Variants in FRA10AC1 observed in about 807,000 individuals in gnomAD.
FRA10AC1 encodes the protein protein FRA10AC1.
A neutral mutation model predicts 56.5 loss-of-function variants in FRA10AC1; 43 were observed. The ratio of observed to expected loss-of-function variants is 0.76; its 90% CI spans 0.60 to 0.98. FRA10AC1 has a LOEUF of 0.98. Among genes scored for constraint, FRA10AC1 ranks in the 50% least tolerant of loss-of-function variants. The pLI is 0.00. For missense variants in FRA10AC1, 346 were observed against 351.8 expected (o/e 0.98, Z 0.13); for synonymous variants, 112 against 110.5 (o/e 1.01, Z -0.09).
intron 11 of FRA10AC1, among the ~76,000 whole-genome samples, chr10:93,677,635 A>C (rs984131206): frequency 1.3e-5 from 2 of 152,188 alleles, no homozygotes; most frequent in East Asian, 1.9e-4. Context: ...CTACCTGAAA[A>C]TGTAAAGCTT....
chr10:93,680,399 T>A (rs1241103705), intron 11 of FRA10AC1, among the ~76,000 whole-genome samples: 1 of 152,092 alleles, frequency 6.6e-6, no homozygotes, highest in Non-Finnish European at 1.5e-5. Context: ...AGCAATAAAA[T>A]AACAATATCT....
At chr10:93,683,626 C>A (rs1246992810) in intron 10 of FRA10AC1, among the ~76,000 whole-genome samples, 1 of 152,192 alleles carries the variant, frequency 6.6e-6, no homozygotes, top group East Asian at 1.9e-4. Context: ...GCTAGGATTA[C>A]AGGCATGAGC....
chr10:93,694,713 TAAAAAAAAAAAAAAAAAA>T lies in FRA10AC1; in HGVS notation c.296+130_296+147del, dbSNP rs10554752. ...TGGGCGACAGAGTGAGACTCCATCT[TAAAAAAAAAAAAAAAAAA>T]AAAAAAAAAAAAAGGCACACCGGAA... On this transcript the variant is annotated intron_variant, in intron 5 of 13. Coordinates refer to ENST00000359204, the MANE Select transcript of FRA10AC1 (RefSeq NM_145246.5). 576 of 240,674 alleles carry T rather than the reference TAAAAAAAAAAAAAAAAAA, an allele frequency of 2.4e-3. 6 individuals are homozygous for T. In the African/African-American group the frequency reaches 0.03, roughly 13 times the overall value. The allele number at this position is 240,674 out of a possible 1,614,324, so 14.9% of individuals were successfully genotyped here. A position where few individuals can be genotyped will look rare whatever the true frequency, so the allele number is the denominator to read the frequency against.
chr10:93,693,507 TACAC>T (rs2059164808), intron 5 of FRA10AC1, among the ~76,000 whole-genome samples: 2 of 25,488 alleles, frequency 7.8e-5, no homozygotes, highest in Non-Finnish European at 2.6e-4. Context: ...TATATATATA[TACAC>T]CATATATATA....
At chr10:93,672,085 T>C (rs2058772492) in intron 12 of FRA10AC1, 1 of 451,092 alleles carries the variant, frequency 2.2e-6, no homozygotes, top group South Asian at 1.6e-5. Context: ...ATAATGATTA[T>C]TAGTCTAAAA....
In FRA10AC1 at chr10:93,698,396, C is replaced by G. The variant is rs146587772; in HGVS notation, c.78G>C (p.Arg26Ser). Residue 26 changes from arginine (R) to serine (S), a missense_variant and splice_region_variant, in exon 3 of 14, where the codon AGG becomes AGC. Coordinates refer to ENST00000359204, the MANE Select transcript of FRA10AC1 (RefSeq NM_145246.5). ...GGAGCAGTAAGTCATCTTCAACTGTCCTGATATATTAAGAAGAAAATAAGA... is the reference window on the plus strand; with the variant it reads ...GGAGCAGTAAGTCATCTTCAACTGTGCTGATATATTAAGAAGAAAATAAGA... Reference protein sequence around the residue: ...RCGESSKRKKRTVEDDLLLQK... With the variant: ...RCGESSKRKKSTVEDDLLLQK... The G allele has an allele frequency of 6.0e-4, 924 of 1,546,708 alleles. 6 individuals carry two copies. In the African/African-American group the frequency reaches 0.011, roughly 19 times the overall value.
chr10:93,676,617 A>G, intron 12 of FRA10AC1, 36 bp downstream of exon 12: 1 of 1,537,076 alleles, frequency 6.5e-7, no homozygotes, highest in Non-Finnish European at 8.7e-7. Context: ...AATACCTCAA[A>G]TGCATATTTT....
chr10:93,698,460 T>A (rs2059272473), intron 2 of FRA10AC1, 64 bp from the exon 3 acceptor site: 7 of 892,332 alleles, frequency 7.8e-6, no homozygotes, highest in Non-Finnish European at 1.2e-5. Flanking sequence ...ATTCTTTATA[T>A]TTTCATAACT....
intron 12 of FRA10AC1, chr10:93,673,425 G>A (rs1414732798): frequency 2.2e-6 from 1 of 450,172 alleles, no homozygotes; most frequent in Non-Finnish European, 4.4e-6. Flanking sequence ...TTTTCTTCTT[G>A]ACCTGCTTCA....
chr10:93,683,967 A>ACCTAAGTC (rs1264442140), intron 10 of FRA10AC1, 89 bp downstream of exon 10: 3 of 860,910 alleles, frequency 3.5e-6, no homozygotes, highest in Non-Finnish European at 5.7e-6. Context: ...ACCATCAACC[A>ACCTAAGTC]CCTAAGTCTA....
intron 9 of FRA10AC1, 106 bp downstream of exon 9, chr10:93,685,140 C>A (rs2059002650): frequency 1.6e-6 from 1 of 641,860 alleles, no homozygotes; most frequent in Non-Finnish European, 2.7e-6. Context: ...AAGAGCACTT[C>A]CAGAAAGATA....
intron 1 of FRA10AC1, 25 bp from the exon 2 acceptor site, chr10:93,700,131 AT>A: frequency 7.4e-7 from 1 of 1,344,856 alleles, no homozygotes; most frequent in Non-Finnish European, 1.0e-6. Context: ...AAAGTCAGCT[AT>A]TTAGAATCTA....
Position 93,685,347 on chromosome 10 carries a change from C to G in FRA10AC1, c.524G>C (p.Cys175Ser). The G allele has an allele frequency of 6.7e-7, 1 of 1,489,382 alleles. No homozygotes were observed. Among genetic ancestry groups the G allele is most frequent in the African/African-American group, 1.4e-5 (1 of 71,722 alleles). 92.3% of individuals were successfully genotyped at this position (1,489,382 alleles called of 1,614,324 possible). A position where few individuals can be genotyped will look rare whatever the true frequency, so the allele number is the denominator to read the frequency against. ...TTTTTTATCACAATATTTATTTCCA[C>G]AGAAAAATTGACCTGCAGAAAGGAA... ...EVISGKGQFF[C>S]GNKYCDKKEG... is the part of the protein sequence containing the mutation. The change falls in exon 9 of 14, where the codon TGT (cysteine) becomes TCT (serine). Residue 175 changes from cysteine (C) to serine (S), a missense_variant. Cys to Ser is a moderately radical substitution (Grantham distance 112). Transcript: ENST00000359204.
intron 7 of FRA10AC1, 49 bp from the exon 8 acceptor site, chr10:93,687,498 A>G (rs1282981143): frequency 7.1e-7 from 1 of 1,410,216 alleles, no homozygotes; most frequent in East Asian, 2.5e-5. Flanking sequence ...TAAATTATAC[A>G]GAAATCTAAA....
In FRA10AC1 at chr10:93,693,856, T is replaced by C. The variant is rs200898840; in HGVS notation, c.296+1005A>G. On this transcript the variant is annotated intron_variant, in intron 5 of 13. Transcript: ENST00000359204. ...ATCAAATATCATATGTTCTCATTTATATGTGGGAGCTAAGCTATGAGGATG... is the reference window on the plus strand; with the variant it reads ...ATCAAATATCATATGTTCTCATTTACATGTGGGAGCTAAGCTATGAGGATG... Among the ~76,000 whole-genome samples, 3 of 151,782 alleles carry C rather than the reference T, an allele frequency of 2.0e-5. No individual in the cohort carries two copies. The East Asian group carries it at 5.8e-4, about 29-fold the overall frequency.
At chr10:93,696,686 A>G (rs2059240192) in intron 4 of FRA10AC1, among the ~76,000 whole-genome samples, 1 of 152,232 alleles carries the variant, frequency 6.6e-6, no homozygotes, top group South Asian at 2.1e-4. Context: ...TCACAATAGC[A>G]AAGACATGGA....
At chr10:93,681,661 A>T in intron 10 of FRA10AC1, 63 bp from the exon 11 acceptor site, 1 of 1,382,218 alleles carries the variant, frequency 7.2e-7, no homozygotes, top group Non-Finnish European at 9.5e-7. Context: ...AAAAATAACC[A>T]TCATATGAAC....
rs747425251 is a variant in FRA10AC1 at position 93,699,358 on chromosome 10, T to TA, written c.77+671dup. Among the ~76,000 whole-genome samples the TA allele has an allele frequency of 7.2e-5, 11 of 152,246 alleles. No individual in the cohort carries two copies. In the South Asian group the frequency reaches 8.3e-4, roughly 11 times the overall value. On this transcript the variant is annotated intron_variant, in intron 2 of 13. Transcript: ENST00000359204. The stretch of plus-strand genomic sequence containing the variant: ...ATAAGCCAATTTCTATACATTTGCT[T>TA]AAAAAAATCAGTCAACAGCCGTGTA...
At chr10:93,693,112 G>A (rs541528074) in intron 5 of FRA10AC1, among the ~76,000 whole-genome samples, 14 of 151,426 alleles carry the variant, frequency 9.2e-5, no homozygotes, top group African/African-American at 1.7e-4. Context: ...AAAGTTTTCC[G>A]TATCTCATTT....
Sources: gnomAD v4.1 joint callset for allele counts (sites outside exome capture counted in the v4.1 genomes callset) on GRCh38, gnomAD v4.1.1 for gene constraint, MANE v1.5 for transcripts, NCBI Gene and HGNC (gene_info 2026-07-23, HGNC 2026-07-21) for gene names.